TRHDE: variants seen among roughly 807,000 people sequenced by gnomAD.
TRHDE encodes the protein thyrotropin releasing hormone degrading enzyme, also known as thyrotropin-releasing hormone-degrading ectoenzyme.
In TRHDE, 72 loss-of-function variants were observed where a neutral mutation model predicts 125.7. The ratio of observed to expected loss-of-function variants is 0.57; its 90% CI spans 0.47 to 0.70. TRHDE has a LOEUF of 0.70. Among genes scored for constraint, TRHDE ranks in the 30% least tolerant of loss-of-function variants. The probability of loss-of-function intolerance (pLI) is 0.00; values close to 1 mark genes in which losing one functional copy is unlikely to be tolerated. For missense variants in TRHDE, 1,110 were observed against 1,327.1 expected (o/e 0.84, Z 2.54); for synonymous variants, 509 against 509.1 (o/e 1.00, Z 0.00).
rs1190818074 is a variant in TRHDE, at chr12:72,334,549, A to G, written c.1189-43446A>G. On this transcript the variant is annotated intron_variant, in intron 2 of 18. Coordinates refer to ENST00000261180, the MANE Select transcript of TRHDE (RefSeq NM_013381.3). ...TTTCTTTTACCTGGCAGACGGCCTG[A>G]TGCCCAGCTGTCTGATCTGCAACCA... Among the ~76,000 whole-genome samples, 3 of 152,342 alleles carry G rather than the reference A, an allele frequency of 2.0e-5. No homozygotes were observed. The South Asian group carries it at 6.2e-4, about 32-fold the overall frequency.
intron 5 of TRHDE, among the ~76,000 whole-genome samples, chr12:72,475,621 A>G (rs1322342393): frequency 6.6e-6 from 1 of 152,200 alleles, no homozygotes; most frequent in African/African-American, 2.4e-5. Flanking sequence ...AAATATTTTT[A>G]GAGGTATTGA....
chr12:72,143,246 A>G (rs370815238), intron 2 of TRHDE, among the ~76,000 whole-genome samples: 10 of 152,190 alleles, frequency 6.6e-5, no homozygotes, highest in Admixed American at 2.6e-4. Context: ...CAAATGAACC[A>G]CATCCCTGTC....
chr12:72,657,867 A>C (rs1001560839), intron 18 of TRHDE, among the ~76,000 whole-genome samples: 1 of 152,166 alleles, frequency 6.6e-6, no homozygotes, highest in Non-Finnish European at 1.5e-5. Context: ...CCTGTTCTCC[A>C]TTGTAAAATA....
chr12:72,222,381 A>G (rs879437146), intron 2 of TRHDE, among the ~76,000 whole-genome samples: 2 of 152,028 alleles, frequency 1.3e-5, no homozygotes, highest in Non-Finnish European at 2.9e-5. Flanking sequence ...GACCTCTTGG[A>G]TATATCTGAG....
intron 3 of TRHDE, among the ~76,000 whole-genome samples, chr12:72,400,849 T>C (rs1873013053): frequency 6.6e-6 from 1 of 152,158 alleles, no homozygotes; most frequent in Non-Finnish European, 1.5e-5. Context: ...ACTTTACTTA[T>C]TTGCTTAAAG....
At chr12:72,640,053 C>G (rs559361461) in intron 15 of TRHDE, among the ~76,000 whole-genome samples, 1 of 152,218 alleles carries the variant, frequency 6.6e-6, no homozygotes, top group East Asian at 1.9e-4. Context: ...TTCCCTGCTG[C>G]TTTGTTTACC....
At chr12:72,094,433 G>A (rs901395604) in intron 1 of TRHDE, among the ~76,000 whole-genome samples, 7 of 152,346 alleles carry the variant, frequency 4.6e-5, no homozygotes, top group Non-Finnish European at 7.3e-5. Flanking sequence ...AGGTGGGCAG[G>A]ACTACTCCCA....
upstream of TRHDE, among the ~76,000 whole-genome samples, chr12:72,270,621 G>A (rs1236760328): frequency 6.7e-6 from 1 of 150,320 alleles, no homozygotes; most frequent in African/African-American, 2.5e-5. Context: ...AAAGAAACAT[G>A]TAAAAAGGAA....
At chr12:72,366,434 A>T (rs1871341231) in intron 2 of TRHDE, among the ~76,000 whole-genome samples, 2 of 152,128 alleles carry the variant, frequency 1.3e-5, no homozygotes, top group Admixed American at 1.3e-4. Context: ...AGCAAAATGC[A>T]GTTGGAAGAT....
At chr12:72,133,369 A>G (rs1299658834) in intron 2 of TRHDE, among the ~76,000 whole-genome samples, 1 of 152,164 alleles carries the variant, frequency 6.6e-6, no homozygotes, top group East Asian at 1.9e-4. Flanking sequence ...AGTGGTGGGT[A>G]ATACAGGAAT....
At chr12:72,137,642 G>T (rs539292431) in intron 2 of TRHDE, 2 of 152,292 alleles carry the variant, frequency 1.3e-5, no homozygotes, top group East Asian at 3.9e-4. Flanking sequence ...ATTAATTTTT[G>T]TGCTCTTCTT....
chr12:72,382,175 C>G lies in TRHDE; in HGVS notation c.1315+4054C>G, dbSNP rs144564969. 2.6e-5 allele frequency among the ~76,000 whole-genome samples: 4 copies of G among 152,158 alleles called. No homozygotes were observed. The East Asian group carries it at 7.7e-4, about 29-fold the overall frequency. ...GAGACATCAAGTGGGGAAAGCATTT[C>G]AAAAAGTAAGTAATATTTGTGGTAA... On this transcript the variant is annotated intron_variant, in intron 3 of 18. Coordinates refer to ENST00000261180, the MANE Select transcript of TRHDE (RefSeq NM_013381.3).
chr12:72,634,263 G>C (rs982687557), intron 15 of TRHDE, among the ~76,000 whole-genome samples: 2 of 152,108 alleles, frequency 1.3e-5, no homozygotes, highest in African/African-American at 4.8e-5. Context: ...GCTAAAGAAT[G>C]AGAATAGAAA....
chr12:72,531,274 T>C (rs1312297568), intron 6 of TRHDE, among the ~76,000 whole-genome samples: 1 of 152,132 alleles, frequency 6.6e-6, no homozygotes, highest in Non-Finnish European at 1.5e-5. Flanking sequence ...TTTTGAATTT[T>C]CTATTTATAT....
intron 2 of TRHDE, among the ~76,000 whole-genome samples, chr12:72,150,623 C>T (rs1299288090): frequency 3.4e-5 from 5 of 145,628 alleles, no homozygotes; most frequent in South Asian, 2.2e-4. Flanking sequence ...TGTTCAATTC[C>T]CACCTATGAA....
At chr12:72,657,823 C>T (rs763374367) in intron 18 of TRHDE, among the ~76,000 whole-genome samples, 15 of 152,066 alleles carry the variant, frequency 9.9e-5, no homozygotes, top group Non-Finnish European at 7.4e-5. Flanking sequence ...TACAATGGAT[C>T]GCACTTCAAA....
chr12:72,419,459 A>G (rs9971810), intron 3 of TRHDE, among the ~76,000 whole-genome samples: 3,437 of 152,206 alleles, frequency 0.023, 126 homozygotes, highest in African/African-American at 0.078. Flanking sequence ...GGCCTCAGGA[A>G]GCTTTTAATC....
intron 7 of TRHDE, among the ~76,000 whole-genome samples, chr12:72,555,530 T>A (rs913618596): frequency 6.6e-6 from 1 of 152,192 alleles, no homozygotes; most frequent in Non-Finnish European, 1.5e-5. Flanking sequence ...AATATAAACA[T>A]TATTTTTTAA....
intron 1 of TRHDE, among the ~76,000 whole-genome samples, chr12:72,094,943 T>A (rs1874877723): frequency 6.6e-6 from 1 of 152,232 alleles, no homozygotes; most frequent in Admixed American, 6.5e-5. Context: ...AAACTGTTAT[T>A]GCTGTGGGGG....
Sources: allele counts gnomAD v4.1 joint callset (sites outside exome capture counted in the v4.1 genomes callset), GRCh38; gene constraint gnomAD v4.1.1; transcripts MANE v1.5; gene names NCBI Gene and HGNC (gene_info 2026-07-23, HGNC 2026-07-21).